Variants in LRRC8C observed in about 807,000 individuals in gnomAD.
LRRC8C encodes volume-regulated anion channel subunit LRRC8C.
In LRRC8C, 20 loss-of-function variants were observed where a neutral mutation model predicts 55.3. The ratio of observed to expected loss-of-function variants is 0.36; its 90% confidence interval spans 0.25 to 0.53. The LOEUF is 0.53. LRRC8C is among the 20% of genes least tolerant of loss of function. The pLI is 0.92. For missense variants in LRRC8C, 659 were observed against 951.4 expected, an observed-to-expected ratio of 0.69 and a Z score of 4.04; for synonymous variants, 376 against 360.7, an observed-to-expected ratio of 1.04 and a Z score of -0.48.
At chr1:89,684,543 G>A (rs548839516) in intron 1 of LRRC8C, among the ~76,000 whole-genome samples, 1 of 152,282 alleles carries the variant, frequency 6.6e-6, no homozygotes, top group South Asian at 2.1e-4. Flanking sequence ...CTTCTGAAGT[G>A]GAACTTGGAA....
chr1:89,684,391 T>G (rs1428077227), intron 1 of LRRC8C, among the ~76,000 whole-genome samples: 3 of 152,222 alleles, frequency 2.0e-5, no homozygotes, highest in Non-Finnish European at 4.4e-5. Context: ...TGCAGCTGAT[T>G]AGGATCACCC....
At chr1:89,638,337 AC>A (rs1490182380) in intron 1 of LRRC8C, among the ~76,000 whole-genome samples, 1 of 152,134 alleles carries the variant, frequency 6.6e-6, no homozygotes, top group Non-Finnish European at 1.5e-5. Flanking sequence ...CAATCTGTGA[AC>A]CTTTTTTCCA....
At chr1:89,690,150 A>C (rs1047992751) in intron 2 of LRRC8C, among the ~76,000 whole-genome samples, 2 of 152,172 alleles carry the variant, frequency 1.3e-5, no homozygotes, top group African/African-American at 4.8e-5. Context: ...TCTAGGTGGA[A>C]GGATTATCCC....
At position 89,718,956 on chromosome 1, in the gene LRRC8C, C is replaced by G. The variant is rs928906637; in HGVS notation, c.*3974C>G. The G allele has an allele frequency of 3.9e-5, 6 of 152,072 alleles. No individual in the cohort carries two copies. Among genetic ancestry groups the G allele is most frequent in the African/African-American group, 1.4e-4 (6 of 41,400 alleles). The allele number at this position is 152,072 out of a possible 1,614,324, so 9.4% of individuals were successfully genotyped here. Reference sequence around the variant, plus strand: ...GCAAGAAACCTTGGACAGTCTTCACCAGACCTGCCATGATTTTATAAGATT... The same window carrying G: ...GCAAGAAACCTTGGACAGTCTTCACGAGACCTGCCATGATTTTATAAGATT... On this transcript the variant is annotated 3_prime_UTR_variant, in exon 3 of 3. Coordinates refer to ENST00000370454, the MANE Select transcript of LRRC8C (RefSeq NM_032270.5).
the LRRC8C span, among the ~76,000 whole-genome samples, chr1:89,625,517 G>A: frequency 2.0e-5 from 3 of 152,242 alleles, no homozygotes; most frequent in South Asian, 6.2e-4. Context: ...AAAAATATGA[G>A]TGGATTCAGG....
At chr1:89,615,986 G>T in the LRRC8C span, among the ~76,000 whole-genome samples, 1 of 152,134 alleles carries the variant, frequency 6.6e-6, no homozygotes, top group African/African-American at 2.4e-5. Flanking sequence ...CATGCACTCT[G>T]CTTGCAACCC....
chr1:89,617,505 G>A, the LRRC8C span, among the ~76,000 whole-genome samples: 1 of 152,222 alleles, frequency 6.6e-6, no homozygotes, highest in Non-Finnish European at 1.5e-5. Flanking sequence ...CAGGCCATTA[G>A]TAAATCAGTT....
At chr1:89,691,067 C>T (rs1658015573) in intron 2 of LRRC8C, among the ~76,000 whole-genome samples, 1 of 152,204 alleles carries the variant, frequency 6.6e-6, no homozygotes, top group South Asian at 2.1e-4. Flanking sequence ...ATTCAACAAA[C>T]AATCCTGTGC....
chr1:89,674,163 ATATC>A (rs1180709725), intron 1 of LRRC8C, among the ~76,000 whole-genome samples: 2 of 152,214 alleles, frequency 1.3e-5, no homozygotes, highest in Admixed American at 6.5e-5. Context: ...ATTAAAGAAC[ATATC>A]TATCTTCAGA....
chr1:89,667,503 G>A (rs983297362), intron 1 of LRRC8C, among the ~76,000 whole-genome samples: 2 of 152,122 alleles, frequency 1.3e-5, no homozygotes, highest in Admixed American at 6.6e-5. Context: ...GCTAGAGCAC[G>A]AGTTACTTAT....
chr1:89,693,734 T>C (rs1570730482), intron 2 of LRRC8C, among the ~76,000 whole-genome samples: 2 of 137,958 alleles, frequency 1.4e-5, no homozygotes, highest in Non-Finnish European at 3.1e-5. Context: ...CTCGGCTCAC[T>C]GCAACCTCTG....
intron 1 of LRRC8C, among the ~76,000 whole-genome samples, chr1:89,683,827 G>A (rs182923370): frequency 1.3e-4 from 20 of 152,196 alleles, no homozygotes; most frequent in Non-Finnish European, 2.1e-4. Context: ...GGCCATGTTT[G>A]GTCCATACAT....
chr1:89,625,045 G>C, the LRRC8C span: 1 of 152,196 alleles, frequency 6.6e-6, no homozygotes, highest in Non-Finnish European at 1.5e-5. Context: ...GGCTCTCTCA[G>C]TGGGATGGAT....
At chr1:89,652,986 G>T (rs1399004615) in intron 1 of LRRC8C, among the ~76,000 whole-genome samples, 1 of 152,150 alleles carries the variant, frequency 6.6e-6, no homozygotes, top group East Asian at 1.9e-4. Context: ...GAAGGCCAGT[G>T]TGGGTGCACA....
intron 1 of LRRC8C, among the ~76,000 whole-genome samples, chr1:89,670,527 G>A (rs1001678625): frequency 9.9e-5 from 15 of 152,146 alleles, no homozygotes; most frequent in African/African-American, 3.6e-4. Context: ...TGTTGGAGTA[G>A]TGGTTAAATA....
At chr1:89,641,420 T>C (rs976618638) in intron 1 of LRRC8C, among the ~76,000 whole-genome samples, 1 of 152,246 alleles carries the variant, frequency 6.6e-6, no homozygotes, top group Non-Finnish European at 1.5e-5. Context: ...GCTAGGTAGC[T>C]GGTTTCTAAG....
chr1:89,644,127 A>G (rs959710050), intron 1 of LRRC8C, among the ~76,000 whole-genome samples: 8 of 152,260 alleles, frequency 5.3e-5, no homozygotes, highest in Non-Finnish European at 1.2e-4. Context: ...TCTTGAGTTT[A>G]TAACAATTAT....
Position 89,714,555 on chromosome 1 carries a change from T to C in LRRC8C, c.1985T>C (p.Leu662Pro). 1 of 1,614,182 alleles carries C rather than the reference T, an allele frequency of 6.2e-7. No individual in the cohort carries two copies. The highest frequency in any genetic ancestry group is 1.1e-5 in the South Asian group (1 of 91,076). Residue 662 changes from leucine (L) to proline (P), a missense_variant, in exon 3 of 3, where the codon CTG becomes CCG. This residue lies in a region of LRRC8C where 344 missense variants were observed against 464.6 expected (regional missense o/e 0.74). Transcript: ENST00000370454. The surrounding 1 kb of genome is among the most constrained non-coding windows in gnomAD (Gnocchi z 4.6). ...IPEHIKKLTS[L>P]ERLSFSHNKI... ...GAGCATATAAAGAAACTCACCAGCC[T>C]GGAACGCCTGTCCTTTAGTCACAAT...
chr1:89,652,898 A>G (rs571369332), intron 1 of LRRC8C, among the ~76,000 whole-genome samples: 2 of 152,170 alleles, frequency 1.3e-5, no homozygotes, highest in Admixed American at 6.5e-5. Context: ...GGAGACACAG[A>G]TATCTATGGA....
Sources: gnomAD v4.1 joint callset for allele counts (sites outside exome capture counted in the v4.1 genomes callset) on GRCh38, gnomAD v4.1.1 for gene constraint, gnomAD v4.1.1 regional missense constraint, Gnocchi (gnomAD v3.1) non-coding constraint, MANE v1.5 for transcripts, NCBI Gene and HGNC (gene_info 2026-07-23, HGNC 2026-07-21) for gene names.